The following ALDH2 variants were observed in gnomAD, a reference collection of about 807,000 sequenced individuals.
ALDH2 encodes aldehyde dehydrogenase, mitochondrial.
ALDH2 carries 44 observed loss-of-function variants against 59.6 expected under a neutral mutation model. That is an observed-to-expected ratio of 0.74 (90% CI 0.58 to 0.95). ALDH2 has a LOEUF of 0.95. ALDH2 is among the 40% of genes least tolerant of loss of function. ALDH2 has a pLI of 0.00. For missense variants in ALDH2, 570 were observed against 696.3 expected (o/e 0.82, Z 2.04); for synonymous variants, 291 against 284.0 (o/e 1.02, Z -0.25).
intron 12 of ALDH2, among the ~76,000 whole-genome samples, chr12:111,804,453 C>T (rs562035672): frequency 2.6e-5 from 4 of 152,220 alleles, no homozygotes; most frequent in South Asian, 2.1e-4. Flanking sequence ...TCACCAGGCG[C>T]GGTGGCTTTT....
intron 4 of ALDH2, among the ~76,000 whole-genome samples, chr12:111,789,478 C>T (rs1002015487): frequency 2.2e-5 from 3 of 139,224 alleles, no homozygotes; most frequent in East Asian, 2.3e-4. Flanking sequence ...GGAGACAGAG[C>T]GAGACGCTGT....
rs1168115517 is a variant in ALDH2 at position 111,809,839 on chromosome 12, T to C, written c.*264T>C. ...TTAAAAAATAGATTCAAATGTGTTA[T>C]CCTCTCTCTGAAACGCTTCCTATAA... On this transcript the variant is annotated 3_prime_UTR_variant, in exon 13 of 13. Transcript: ENST00000261733. The C allele has an allele frequency of 1.9e-6, 1 of 530,686 alleles. No individual in the cohort carries two copies. Among genetic ancestry groups the C allele is most frequent in the Non-Finnish European group, 3.4e-6 (1 of 298,368 alleles). 32.9% of individuals were successfully genotyped at this position (530,686 alleles called of 1,614,324 possible). A position where few individuals can be genotyped will look rare whatever the true frequency, so the allele number is the denominator to read the frequency against.
In ALDH2 at chr12:111,772,068, C is replaced by T. The variant is rs543760442; in HGVS notation, c.114+4972C>T. 3.9e-5 allele frequency among the ~76,000 whole-genome samples: 6 copies of T among 152,024 alleles called. No individual in the cohort carries two copies. The South Asian group carries it at 1.0e-3, about 26-fold the overall frequency. On this transcript the variant is annotated intron_variant, in intron 1 of 12. Coordinates refer to ENST00000261733, the MANE Select transcript of ALDH2 (RefSeq NM_000690.4). The stretch of plus-strand genomic sequence containing the variant: ...GAGCCGAGATCGCACCACTGTACTC[C>T]AGCCTGGGTGACAGAGTGACACTTC...
At chr12:111,796,797 C>T (rs1256875547) in intron 9 of ALDH2, among the ~76,000 whole-genome samples, 4 of 151,982 alleles carry the variant, frequency 2.6e-5, no homozygotes, top group East Asian at 3.9e-4. Context: ...TCCAGCTACT[C>T]GGGAGACTGA....
At chr12:111,774,477 G>A (rs151075060) in intron 1 of ALDH2, among the ~76,000 whole-genome samples, 1 of 152,236 alleles carries the variant, frequency 6.6e-6, no homozygotes, top group East Asian at 1.9e-4. Flanking sequence ...CCATTAGCTT[G>A]CTCACTCTTT....
chr12:111,789,175 G>A (rs1363392193), intron 4 of ALDH2, among the ~76,000 whole-genome samples: 1 of 147,188 alleles, frequency 6.8e-6, no homozygotes, highest in Non-Finnish European at 1.5e-5. Flanking sequence ...CCGCCACCAC[G>A]CCCAGCTAAT....
Position 111,780,358 on chromosome 12 carries a change from G to A in ALDH2, c.115-1560G>A, listed in dbSNP as rs142331753. On this transcript the variant is annotated intron_variant, in intron 1 of 12. Coordinates refer to ENST00000261733, the MANE Select transcript of ALDH2 (RefSeq NM_000690.4). Reference sequence around the variant, plus strand: ...TGAATTACATTCTAGAGGCGGAACCGTCTTGGGACCCGCCCTCCTCCCTGA... The same window carrying A: ...TGAATTACATTCTAGAGGCGGAACCATCTTGGGACCCGCCCTCCTCCCTGA... Among the ~76,000 whole-genome samples the A allele has an allele frequency of 1.8e-4, 27 of 152,294 alleles. No individual in the cohort carries two copies. The East Asian group carries it at 5.2e-3, about 29-fold the overall frequency.
At chr12:111,784,679 A>G (rs893622866) in intron 3 of ALDH2, among the ~76,000 whole-genome samples, 2 of 152,108 alleles carry the variant, frequency 1.3e-5, no homozygotes, top group African/African-American at 4.8e-5. Context: ...CAATGGCACA[A>G]TCTCGGCTCA....
In ALDH2 at chr12:111,812,718, A is replaced by T. The variant is rs929208511; in HGVS notation, c.*3143A>T. 2 of 152,152 alleles carry T rather than the reference A, an allele frequency of 1.3e-5. No individual in the cohort carries two copies. The highest frequency in any genetic ancestry group is 2.9e-5 in the Non-Finnish European group (2 of 68,058). The allele number at this position is 152,152 out of a possible 1,614,324, so 9.4% of individuals were successfully genotyped here. A position where few individuals can be genotyped will look rare whatever the true frequency, so the allele number is the denominator to read the frequency against. On this transcript the variant is annotated 3_prime_UTR_variant, in exon 13 of 13. Coordinates refer to ENST00000261733, the MANE Select transcript of ALDH2 (RefSeq NM_000690.4). The stretch of plus-strand genomic sequence containing the variant: ...ATGGTGAAACCCCATCTCTACAAAA[A>T]AATACAAAAATTAGCTGAGCGTGGT...
intron 12 of ALDH2, among the ~76,000 whole-genome samples, chr12:111,807,688 G>A (rs186045084): frequency 2.6e-5 from 4 of 152,252 alleles, no homozygotes; most frequent in African/African-American, 4.8e-5. Flanking sequence ...CTGTGATGGC[G>A]AGAAATATGG....
rs749059028 is a variant in ALDH2, at chr12:111,792,712, G to A, written c.1013G>A (p.Arg338Gln). 8.2e-6 allele frequency: 13 copies of A among 1,591,854 alleles called. No homozygotes were observed. The highest frequency in any genetic ancestry group is 2.3e-5 in the South Asian group (2 of 88,078). The change falls in exon 9 of 13, where the codon CGG becomes CAG. Residue 338 changes from arginine to glutamine, a missense_variant. Physicochemically the swap from Arg to Gln is conservative, Grantham distance 43. Coordinates refer to ENST00000261733, the MANE Select transcript of ALDH2 (RefSeq NM_000690.4). ...GACATCTATGATGAGTTTGTGGAGC[G>A]GAGCGTTGCCCGGGCCAAGTCTCGG... ...QEDIYDEFVE[R>Q]SVARAKSRVV...
At position 111,810,914 on chromosome 12, in the gene ALDH2, A is replaced by G. The variant is rs1262225828; in HGVS notation, c.*1339A>G. 1.3e-5 allele frequency: 2 copies of G among 152,060 alleles called. No individual in the cohort carries two copies. The highest frequency in any genetic ancestry group is 4.8e-5 in the African/African-American group (2 of 41,416). 9.4% of individuals were successfully genotyped at this position (152,060 alleles called of 1,614,324 possible). A position where few individuals can be genotyped will look rare whatever the true frequency, so the allele number is the denominator to read the frequency against. Reference sequence around the variant, plus strand: ...CTTGATCAGGCCAAATGAAAGTGACATGGGCCAATTTCATAATAGATTGAT... The same window carrying G: ...CTTGATCAGGCCAAATGAAAGTGACGTGGGCCAATTTCATAATAGATTGAT... On this transcript the variant is annotated 3_prime_UTR_variant, in exon 13 of 13. Coordinates refer to ENST00000261733, the MANE Select transcript of ALDH2 (RefSeq NM_000690.4).
chr12:111,791,364 C>T lies in ALDH2; in HGVS notation c.740C>T (p.Ala247Val), dbSNP rs1276830351. ...CCTGGATTTGGCCCCACGGCTGGGG[C>T]CGCCATTGCCTCCCATGAGGATGTG... ...IVPGFGPTAG[A>V]AIASHEDVDK... Residue 247 changes from alanine (A) to valine (V), a missense_variant, in exon 7 of 13, where the codon GCC becomes GTC. Coordinates refer to ENST00000261733, the MANE Select transcript of ALDH2 (RefSeq NM_000690.4). 1 of 1,614,122 alleles carries T rather than the reference C, an allele frequency of 6.2e-7. No individual in the cohort carries two copies. Among genetic ancestry groups the T allele is most frequent in the Admixed American group, 1.7e-5 (1 of 60,020 alleles).
rs2068540743 is a variant in ALDH2, at chr12:111,812,185, G to A, written c.*2610G>A. 2.0e-5 allele frequency: 3 copies of A among 152,466 alleles called. No homozygotes were observed. Among genetic ancestry groups the A allele is most frequent in the East Asian group, 3.9e-4 (2 of 5,192 alleles). The allele number at this position is 152,466 out of a possible 1,614,324, so 9.4% of individuals were successfully genotyped here. A position where few individuals can be genotyped will look rare whatever the true frequency, so the allele number is the denominator to read the frequency against. On this transcript the variant is annotated 3_prime_UTR_variant, in exon 13 of 13. Transcript: ENST00000261733. ...TGTTATCTAAAAGGCAGAGCCAGGTGTACAGGATGGAACATGAAGGCAGAC... is the reference window on the plus strand; with the variant it reads ...TGTTATCTAAAAGGCAGAGCCAGGTATACAGGATGGAACATGAAGGCAGAC...
intron 11 of ALDH2, among the ~76,000 whole-genome samples, chr12:111,801,289 G>A (rs11066024): frequency 0.04 from 6,130 of 152,244 alleles, 418 homozygotes; most frequent in African/African-American, 0.14. Flanking sequence ...CCCACAACAC[G>A]TGGGAATTGT....
chr12:111,791,776 C>T (rs774401181), intron 7 of ALDH2, among the ~76,000 whole-genome samples: 2 of 152,086 alleles, frequency 1.3e-5, no homozygotes, highest in Non-Finnish European at 2.9e-5. Flanking sequence ...GTGGTGTGTG[C>T]GTGTGGCCCC....
chr12:111,770,350 A>G (rs531776861), intron 1 of ALDH2, among the ~76,000 whole-genome samples: 2 of 152,332 alleles, frequency 1.3e-5, no homozygotes, highest in South Asian at 4.1e-4. Flanking sequence ...TCCATTTGAT[A>G]TGGATGCTGT....
At chr12:111,771,876 AT>A (rs1382473215) in intron 1 of ALDH2, among the ~76,000 whole-genome samples, 1 of 152,124 alleles carries the variant, frequency 6.6e-6, no homozygotes, top group African/African-American at 2.4e-5. Context: ...AGGCGGGCAG[AT>A]TGCTTGAGCA....
intron 1 of ALDH2, among the ~76,000 whole-genome samples, chr12:111,776,130 G>A (rs905913180): frequency 3.3e-5 from 5 of 152,134 alleles, no homozygotes; most frequent in Non-Finnish European, 7.4e-5. Context: ...GGAAGGGGTG[G>A]GGCTGGTGGG....
Sources: allele counts gnomAD v4.1 joint callset (sites outside exome capture counted in the v4.1 genomes callset), GRCh38; gene constraint gnomAD v4.1.1; transcripts MANE v1.5; gene names NCBI Gene and HGNC (gene_info 2026-07-23, HGNC 2026-07-21).